DCAF6: variants seen among roughly 807,000 people sequenced by gnomAD.
DCAF6 encodes DDB1 and CUL4 associated factor 6, also known as DDB1- and CUL4-associated factor 6.
A neutral mutation model predicts 125.1 loss-of-function variants in DCAF6; 54 were observed. The observed-to-expected ratio is 0.43, with a 90% confidence interval of 0.35 to 0.54. The LOEUF (loss-of-function observed/expected upper bound fraction) is 0.54, where lower values mean the gene tolerates loss of function less well. Ranked by LOEUF, DCAF6 falls within the 20% of genes least tolerant of loss-of-function variation. The pLI, the probability that DCAF6 is intolerant of heterozygous loss-of-function variation, is 0.01. For synonymous variants in DCAF6, 371 were observed against 390.4 expected (o/e 0.95, Z 0.58); for missense variants, 934 against 1,161.7 (o/e 0.80, Z 2.85).
chr1:167,948,229 G>A (rs1193624200), intron 1 of DCAF6, among the ~76,000 whole-genome samples: 1 of 148,612 alleles, frequency 6.7e-6, no homozygotes, highest in Non-Finnish European at 1.5e-5. Context: ...TGATTATAAT[G>A]TTGCCATGGT....
At chr1:167,936,453 T>C, upstream of DCAF6, 1 of 182,862 alleles carries the variant, frequency 5.5e-6, no homozygotes, top group South Asian at 1.0e-4. Flanking sequence ...TCTACTCGTC[T>C]TTTATCCCTA....
At chr1:167,870,751 G>A in the DCAF6 span, among the ~76,000 whole-genome samples, 2 of 151,280 alleles carry the variant, frequency 1.3e-5, no homozygotes, top group Non-Finnish European at 2.9e-5. Context: ...GGAGGTTGCA[G>A]CGAGCCGGGA....
At chr1:167,880,202 G>A in the DCAF6 span, 1 of 1,609,618 alleles carries the variant, frequency 6.2e-7, no homozygotes. Context: ...CTGGTGCAGG[G>A]GAGACAAGAT....
chr1:167,937,107 G>C, intron 1 of DCAF6, 99 bp downstream of exon 1: 1 of 1,022,388 alleles, frequency 9.8e-7, no homozygotes, highest in Non-Finnish European at 1.5e-6. Context: ...GCGTCTCGGT[G>C]GGGGCGCCCG....
chr1:167,909,031 C>A, the DCAF6 span, among the ~76,000 whole-genome samples: 1 of 152,232 alleles, frequency 6.6e-6, no homozygotes, highest in African/African-American at 2.4e-5. Flanking sequence ...ACATTACCAG[C>A]TTTCCAGAAG....
chr1:168,064,483 G>A (rs1329917828), intron 18 of DCAF6, among the ~76,000 whole-genome samples: 2 of 152,096 alleles, frequency 1.3e-5, no homozygotes, highest in African/African-American at 4.8e-5. Flanking sequence ...CCTTGCTGAT[G>A]AATTTGTAGC....
chr1:168,036,822 AGTT>A (rs1463677604), intron 12 of DCAF6, among the ~76,000 whole-genome samples: 2 of 152,206 alleles, frequency 1.3e-5, no homozygotes, highest in African/African-American at 4.8e-5. Flanking sequence ...TATTTCCAGG[AGTT>A]GTTTAAAAGA....
At chr1:167,953,373 CATTATT>C (rs1553210196) in intron 2 of DCAF6, among the ~76,000 whole-genome samples, 2 of 152,076 alleles carry the variant, frequency 1.3e-5, no homozygotes, top group Non-Finnish European at 1.5e-5. Context: ...TTTCTCCTTA[CATTATT>C]ATTATTATTG....
At chr1:167,983,951 G>C (rs1338927542) in intron 4 of DCAF6, among the ~76,000 whole-genome samples, 3 of 152,116 alleles carry the variant, frequency 2.0e-5, no homozygotes, top group African/African-American at 7.2e-5. Context: ...TAGGGCATTT[G>C]GGGGAGTCTC....
the DCAF6 span, among the ~76,000 whole-genome samples, chr1:167,865,260 A>C: frequency 6.6e-6 from 1 of 152,192 alleles, no homozygotes; most frequent in South Asian, 2.1e-4. Context: ...TTGTTTTGAA[A>C]GTTTAAGCAA....
chr1:167,910,904 AT>A, the DCAF6 span, among the ~76,000 whole-genome samples: 6 of 152,228 alleles, frequency 3.9e-5, no homozygotes, highest in South Asian at 2.1e-4. Flanking sequence ...TTAAATCTGA[AT>A]TTTAAATAAA....
the DCAF6 span, among the ~76,000 whole-genome samples, chr1:167,895,470 T>TA: frequency 1.4e-4 from 22 of 152,302 alleles, no homozygotes; most frequent in Non-Finnish European, 2.8e-4. Flanking sequence ...GACCTGTACA[T>TA]AAATGATGAG....
At chr1:167,948,513 TAGTCTA>T (rs1160769671) in intron 1 of DCAF6, among the ~76,000 whole-genome samples, 1 of 152,168 alleles carries the variant, frequency 6.6e-6, no homozygotes, top group Non-Finnish European at 1.5e-5. Context: ...AATTCTCAAC[TAGTCTA>T]GTAAAGGAGA....
intron 3 of DCAF6, 98 bp downstream of exon 3, chr1:167,966,819 T>C (rs1676488173): frequency 1.4e-6 from 1 of 735,584 alleles, no homozygotes; most frequent in South Asian, 1.8e-5. Context: ...GGCATTTATA[T>C]TAGAATATCC....
chr1:167,980,791 C>G (rs1366483491), intron 4 of DCAF6, among the ~76,000 whole-genome samples: 1 of 151,606 alleles, frequency 6.6e-6, no homozygotes, highest in East Asian at 1.9e-4. Context: ...CATGGATTGT[C>G]TTTTTACCCT....
chr1:168,048,769 G>A (rs1212231436), intron 16 of DCAF6, among the ~76,000 whole-genome samples: 1 of 152,194 alleles, frequency 6.6e-6, no homozygotes, highest in Non-Finnish European at 1.5e-5. Context: ...AGACAAAATG[G>A]AGACCATTAT....
chr1:167,875,945 TC>T, the DCAF6 span, among the ~76,000 whole-genome samples: 5 of 150,086 alleles, frequency 3.3e-5, no homozygotes, highest in Non-Finnish European at 7.4e-5. Flanking sequence ...AGAGCCAGAC[TC>T]CATCTCAAAA....
At chr1:168,007,216 T>A (rs11583998) in intron 10 of DCAF6, among the ~76,000 whole-genome samples, 16,500 of 152,260 alleles carry the variant, frequency 0.11, 1,013 homozygotes, top group African/African-American at 0.16. Flanking sequence ...AGCTAGTCAA[T>A]GTAGTTGCTA....
intron 3 of DCAF6, among the ~76,000 whole-genome samples, chr1:167,967,285 G>GA (rs374198720): frequency 2.0e-5 from 3 of 152,020 alleles, no homozygotes; most frequent in African/African-American, 7.2e-5. Context: ...TTTCAATGAA[G>GA]AAAAAAATTA....
Sources: allele counts gnomAD v4.1 joint callset (sites outside exome capture counted in the v4.1 genomes callset), GRCh38; gene constraint gnomAD v4.1.1; transcripts MANE v1.5; gene names NCBI Gene and HGNC (gene_info 2026-07-23, HGNC 2026-07-21).